Variants in AMZ2 observed in about 807,000 individuals in gnomAD.
AMZ2 encodes archaelysin family metallopeptidase 2, also known as archaemetzincin-2.
In AMZ2, 26 loss-of-function variants were observed where a neutral mutation model predicts 36.7. That is an observed-to-expected ratio of 0.71 (90% confidence interval 0.52 to 0.98). The LOEUF (loss-of-function observed/expected upper bound fraction) is 0.98. AMZ2 is among the 50% of genes least tolerant of loss of function. The pLI is 0.00. For synonymous variants in AMZ2, 144 were observed against 149.1 expected, an observed-to-expected ratio of 0.97 and a Z score of 0.25; for missense variants, 394 against 430.5, an observed-to-expected ratio of 0.92 and a Z score of 0.75.
At chr17:68,251,602 G>GGCT (rs2074482328) in intron 4 of AMZ2, among the ~76,000 whole-genome samples, 1 of 152,158 alleles carries the variant, frequency 6.6e-6, no homozygotes, top group South Asian at 2.1e-4. Flanking sequence ...AGGAGGTTGA[G>GGCT]GCTGCAGTGA....
intron 1 of AMZ2, among the ~76,000 whole-genome samples, chr17:68,211,544 G>A (rs2073045961): frequency 6.6e-6 from 1 of 150,668 alleles, no homozygotes; most frequent in Non-Finnish European, 1.5e-5. Flanking sequence ...TTAAATAGTG[G>A]TGATGGTTTT....
intron 1 of AMZ2, among the ~76,000 whole-genome samples, chr17:68,220,871 C>T (rs1358804387): frequency 6.6e-6 from 1 of 150,652 alleles, no homozygotes; most frequent in Non-Finnish European, 1.5e-5. Context: ...CAACCTCCGC[C>T]TCCTGGGTTC....
chr17:68,248,250 G>A lies in AMZ2; in HGVS notation c.-456G>A. The A allele has an allele frequency of 1.0e-6, 1 of 985,954 alleles. No individual in the cohort carries two copies. Among genetic ancestry groups the A allele is most frequent in the South Asian group, 4.7e-5 (1 of 21,366 alleles). 61.1% of individuals were successfully genotyped at this position (985,954 alleles called of 1,614,324 possible). ...GGGCGGACGTGGCGGAAGCCGCGGGGTCCGCGGGGTCGGTGCCTCTAGGGA... is the reference window on the plus strand; with the variant it reads ...GGGCGGACGTGGCGGAAGCCGCGGGATCCGCGGGGTCGGTGCCTCTAGGGA... On this transcript the variant is annotated 5_prime_UTR_variant, in exon 1 of 7. Transcript: ENST00000359904.
At chr17:68,209,524 C>T (rs34216729) in intron 1 of AMZ2, among the ~76,000 whole-genome samples, 7 of 147,958 alleles carry the variant, frequency 4.7e-5, no homozygotes, top group Non-Finnish European at 7.4e-5. Context: ...TGCATGCAAG[C>T]GTGTGTTAGT....
chr17:68,223,101 A>G (rs1487412844), intron 1 of AMZ2, among the ~76,000 whole-genome samples: 1 of 152,180 alleles, frequency 6.6e-6, no homozygotes, highest in Non-Finnish European at 1.5e-5. Flanking sequence ...AGAGAAATAA[A>G]GCAAGTGGTA....
intron 5 of AMZ2, 63 bp from the exon 6 acceptor site, chr17:68,255,637 A>G: frequency 6.6e-7 from 1 of 1,512,998 alleles, no homozygotes; most frequent in Non-Finnish European, 9.0e-7. Flanking sequence ...AGCAAGAAAA[A>G]GAAGAGACGT....
intron 1 of AMZ2, among the ~76,000 whole-genome samples, chr17:68,230,756 C>T (rs1188141973): frequency 6.6e-6 from 1 of 152,158 alleles, no homozygotes; most frequent in African/African-American, 2.4e-5. Context: ...CTTACCCCTT[C>T]CTCACCAAGC....
chr17:68,246,195 CAAAA>C (rs57477453), upstream of AMZ2, among the ~76,000 whole-genome samples: 14 of 83,828 alleles, frequency 1.7e-4, no homozygotes, highest in South Asian at 4.8e-4. Flanking sequence ...ACTAAAAATA[CAAAA>C]AAAAAAAAAA....
chr17:68,209,632 ATTTTTTTTTT>A (rs1224207690), intron 1 of AMZ2, among the ~76,000 whole-genome samples: 3 of 90,690 alleles, frequency 3.3e-5, no homozygotes, highest in Non-Finnish European at 6.0e-5. Context: ...ATATATATAT[ATTTTTTTTTT>A]TTTTTATACA....
intron 1 of AMZ2, among the ~76,000 whole-genome samples, chr17:68,230,894 T>G (rs1355329254): frequency 4.6e-5 from 7 of 152,174 alleles, no homozygotes; most frequent in African/African-American, 1.7e-4. Context: ...ATTGGCAGAT[T>G]GAGGTTGAAA....
upstream of AMZ2, among the ~76,000 whole-genome samples, chr17:68,245,213 A>C (rs1335768424): frequency 2.6e-5 from 4 of 151,474 alleles, 1 homozygote; most frequent in South Asian, 6.2e-4. Flanking sequence ...AAAAAAAAAA[A>C]AACCTAACCC....
chr17:68,207,821 G>A (rs1177532397), intron 1 of AMZ2, among the ~76,000 whole-genome samples: 1 of 151,532 alleles, frequency 6.6e-6, no homozygotes, highest in Non-Finnish European at 1.5e-5. Flanking sequence ...GGCCAAGGCT[G>A]GAGCCGGCTC....
chr17:68,245,692 C>G (rs782445761), upstream of AMZ2, among the ~76,000 whole-genome samples: 1 of 152,154 alleles, frequency 6.6e-6, no homozygotes, highest in African/African-American at 2.4e-5. Flanking sequence ...TACCAAAAAA[C>G]TGACTGAAAA....
Position 68,249,841 on chromosome 17 carries a change from C to G in AMZ2, c.1-347C>G, listed in dbSNP as rs572009703. On this transcript the variant is annotated intron_variant, in intron 1 of 6. Coordinates refer to ENST00000359904, the MANE Select transcript of AMZ2 (RefSeq NM_016627.5). ...TTTAAATTTTTTGTAGAGACAGGGT[C>G]TCACCATGTTGCCTGAGCTGTTCTC... 5 of 249,062 alleles carry G rather than the reference C, an allele frequency of 2.0e-5. No homozygotes were observed. The South Asian group carries it at 2.3e-4, about 12-fold the overall frequency. The allele number at this position is 249,062 out of a possible 1,614,324, so 15.4% of individuals were successfully genotyped here. A position where few individuals can be genotyped will look rare whatever the true frequency, so the allele number is the denominator to read the frequency against.
At position 68,221,727 on chromosome 17, in the gene AMZ2, TA is replaced by T. The variant is rs1207062271; in HGVS notation, c.-67+15497del. Reference sequence around the variant, plus strand: ...TGGGCGACAGAGCAAGACTCTGTCTTAAAAAAAAGAAAAAAAAAAATTAGCC... The same window carrying T: ...TGGGCGACAGAGCAAGACTCTGTCTTAAAAAAAGAAAAAAAAAAATTAGCC... On this transcript the variant is annotated intron_variant, in intron 1 of 7. Transcript: ENST00000674770. Among the ~76,000 whole-genome samples, 9 of 117,978 alleles carry T rather than the reference TA, an allele frequency of 7.6e-5. No homozygotes were observed. In the East Asian group the frequency reaches 2.1e-3, roughly 27 times the overall value. The allele number at this position is 117,978 out of a possible 152,430, so 77.4% of individuals were successfully genotyped here. A position where few individuals can be genotyped will look rare whatever the true frequency, so the allele number is the denominator to read the frequency against.
intron 1 of AMZ2, among the ~76,000 whole-genome samples, chr17:68,209,581 GGTGTGTGTGT>G (rs71142139): frequency 9.4e-6 from 1 of 106,934 alleles, no homozygotes; most frequent in African/African-American, 3.8e-5. Context: ...AATAATTGTG[GGTGTGTGTGT>G]GTGTGTGTGT....
chr17:68,251,575 G>A (rs1358221675), intron 4 of AMZ2, among the ~76,000 whole-genome samples: 2 of 152,210 alleles, frequency 1.3e-5, no homozygotes, highest in Admixed American at 1.3e-4. Flanking sequence ...GCTGAGGTGA[G>A]AGGATTGCTT....
chr17:68,224,185 T>C (rs1555729288), intron 1 of AMZ2, among the ~76,000 whole-genome samples: 2 of 152,046 alleles, frequency 1.3e-5, no homozygotes, highest in Non-Finnish European at 2.9e-5. Context: ...TCAGGTGATC[T>C]GCCAGCCTCA....
chr17:68,238,285 A>C (rs2073831815), intron 1 of AMZ2, among the ~76,000 whole-genome samples: 1 of 151,906 alleles, frequency 6.6e-6, no homozygotes, highest in Admixed American at 6.6e-5. Context: ...GAGCTCAAAC[A>C]ATCCTCCCAC....
Sources: gnomAD v4.1 joint callset for allele counts (sites outside exome capture counted in the v4.1 genomes callset) on GRCh38, gnomAD v4.1.1 for gene constraint, MANE v1.5 for transcripts, NCBI Gene and HGNC (gene_info 2026-07-23, HGNC 2026-07-21) for gene names.